The following DLG2 variants were observed in gnomAD, a reference collection of about 807,000 sequenced individuals.
DLG2 encodes the protein discs large MAGUK scaffold protein 2, also known as disks large homolog 2.
A neutral mutation model predicts 132.5 loss-of-function variants in DLG2; 45 were observed. The observed-to-expected ratio is 0.34, with a 90% CI of 0.27 to 0.44. The LOEUF (loss-of-function observed/expected upper bound fraction) is 0.44. DLG2 is among the 20% of genes least tolerant of loss of function. The pLI is 1.00. For missense variants in DLG2, 1,045 were observed against 1,196.9 expected (o/e 0.87, Z 1.87); for synonymous variants, 424 against 419.6 (o/e 1.01, Z -0.13).
chr11:85,498,065 A>C (rs2093709037), intron 3 of DLG2, among the ~76,000 whole-genome samples: 1 of 152,226 alleles, frequency 6.6e-6, no homozygotes, highest in Non-Finnish European at 1.5e-5. Flanking sequence ...ACAGGATCAA[A>C]TTCACACATG....
intron 3 of DLG2, among the ~76,000 whole-genome samples, chr11:85,484,119 C>A (rs1043949693): frequency 6.6e-6 from 1 of 151,772 alleles, no homozygotes; most frequent in African/African-American, 2.4e-5. Flanking sequence ...TACAAGAGGG[C>A]GTGAAACCGT....
At chr11:85,008,942 A>C (rs905696743) in intron 6 of DLG2, among the ~76,000 whole-genome samples, 1 of 152,122 alleles carries the variant, frequency 6.6e-6, no homozygotes, top group Non-Finnish European at 1.5e-5. Flanking sequence ...TGGAGCAGAG[A>C]TTTGAGTTTG....
At chr11:84,872,143 T>G (rs1436263211) in intron 6 of DLG2, among the ~76,000 whole-genome samples, 1 of 152,208 alleles carries the variant, frequency 6.6e-6, no homozygotes, top group Non-Finnish European at 1.5e-5. Context: ...GGAGTGCACT[T>G]TATGCTGGGA....
chr11:84,949,797 G>A (rs987686600), intron 6 of DLG2, among the ~76,000 whole-genome samples: 11 of 152,144 alleles, frequency 7.2e-5, no homozygotes, highest in Non-Finnish European at 1.2e-4. Context: ...TGTAGTTAAC[G>A]CAATTATTAC....
chr11:84,616,739 C>T (rs1458135199), intron 6 of DLG2, among the ~76,000 whole-genome samples: 1 of 152,082 alleles, frequency 6.6e-6, no homozygotes, highest in African/African-American at 2.4e-5. Flanking sequence ...CTTGCACTGT[C>T]ATTATGAAGA....
intron 18 of DLG2, among the ~76,000 whole-genome samples, chr11:83,756,196 T>C (rs1295443171): frequency 1.3e-5 from 2 of 151,210 alleles, no homozygotes; most frequent in African/African-American, 4.9e-5. Context: ...TGAAATAATT[T>C]ATAATTATTT....
At chr11:85,396,974 T>C (rs756667685) in intron 3 of DLG2, among the ~76,000 whole-genome samples, 1 of 152,076 alleles carries the variant, frequency 6.6e-6, no homozygotes. Context: ...GACATATAAT[T>C]GTCAGATTTG....
chr11:84,548,406 T>G (rs1167509041), intron 6 of DLG2, among the ~76,000 whole-genome samples: 1 of 152,026 alleles, frequency 6.6e-6, no homozygotes, highest in Non-Finnish European at 1.5e-5. Flanking sequence ...GTTAGGTATA[T>G]CTCCCAATGC....
intron 21 of DLG2, among the ~76,000 whole-genome samples, chr11:83,528,516 A>T (rs2095661645): frequency 6.7e-6 from 1 of 150,168 alleles, no homozygotes; most frequent in Non-Finnish European, 1.5e-5. Context: ...GCAAACTCCT[A>T]CTGAAAATTT....
At chr11:84,875,873 G>T (rs1341698899) in intron 6 of DLG2, among the ~76,000 whole-genome samples, 1 of 152,054 alleles carries the variant, frequency 6.6e-6, no homozygotes, top group Non-Finnish European at 1.5e-5. Context: ...GAGTAACGAG[G>T]ATTACAGGTG....
intron 18 of DLG2, among the ~76,000 whole-genome samples, chr11:83,775,325 A>T (rs909380340): frequency 6.6e-6 from 1 of 151,956 alleles, no homozygotes; most frequent in Non-Finnish European, 1.5e-5. Flanking sequence ...TCTTCCTTTT[A>T]TGAGAAACAG....
chr11:85,132,623 C>G (rs2075811170), intron 5 of DLG2: 1 of 402,264 alleles, frequency 2.5e-6, no homozygotes, highest in Non-Finnish European at 5.1e-6. Flanking sequence ...CCCAGACCCT[C>G]AGGGAACAAA....
chr11:85,184,941 A>T (rs1224025531), intron 4 of DLG2, among the ~76,000 whole-genome samples: 3 of 151,946 alleles, frequency 2.0e-5, no homozygotes, highest in African/African-American at 7.2e-5. Flanking sequence ...GCAACTGGGG[A>T]ACGTGGGTTG....
intron 19 of DLG2, among the ~76,000 whole-genome samples, chr11:83,563,581 G>A (rs956795399): frequency 4.6e-5 from 7 of 152,266 alleles, no homozygotes; most frequent in Non-Finnish European, 8.8e-5. Flanking sequence ...CGTGTTAAAA[G>A]CTACTTTTAT....
chr11:85,219,528 G>T (rs2082868163), intron 4 of DLG2, among the ~76,000 whole-genome samples: 1 of 151,770 alleles, frequency 6.6e-6, no homozygotes, highest in Non-Finnish European at 1.5e-5. Flanking sequence ...CTCCCTGAGG[G>T]TTCTAGAGGA....
At chr11:85,021,639 A>G (rs2060077226) in intron 6 of DLG2, 4 of 1,229,636 alleles carry the variant, frequency 3.3e-6, no homozygotes, top group Non-Finnish European at 3.6e-6. Flanking sequence ...TCTTGTTGGT[A>G]ACGTTGCTAG....
At chr11:83,939,320 A>G (rs150235006) in intron 14 of DLG2, among the ~76,000 whole-genome samples, 1,603 of 152,234 alleles carry the variant, frequency 0.011, 13 homozygotes, top group Non-Finnish European at 0.013. Flanking sequence ...GCAGGGCACA[A>G]TTGTTTAAGC....
At chr11:84,332,554 A>G (rs1383698391) in intron 7 of DLG2, among the ~76,000 whole-genome samples, 1 of 120,586 alleles carries the variant, frequency 8.3e-6, no homozygotes, top group Non-Finnish European at 1.6e-5. Flanking sequence ...TCTGTTGCTC[A>G]GGCTGGAGTG....
intron 6 of DLG2, among the ~76,000 whole-genome samples, chr11:85,083,983 G>T (rs2067574885): frequency 1.3e-5 from 2 of 152,034 alleles, no homozygotes; most frequent in African/African-American, 4.8e-5. Context: ...GGTTGGGAGG[G>T]GGCTTGGAGT....
Sources: gnomAD v4.1 joint callset for allele counts (sites outside exome capture counted in the v4.1 genomes callset) on GRCh38, gnomAD v4.1.1 for gene constraint, MANE v1.5 for transcripts, NCBI Gene and HGNC (gene_info 2026-07-23, HGNC 2026-07-21) for gene names.